The following CCNK variants were observed in gnomAD, a reference collection of about 807,000 sequenced individuals.
The protein encoded by CCNK is cyclin-K.
Under a neutral mutation model 65.0 loss-of-function variants are expected in CCNK, and 9 were observed. That is an observed-to-expected ratio of 0.14 (90% CI 0.08 to 0.24). The LOEUF (loss-of-function observed/expected upper bound fraction) is 0.24. Among genes scored for constraint, CCNK ranks in the 10% least tolerant of loss-of-function variants. The probability of loss-of-function intolerance (pLI) is 1.00; values close to 1 mark genes in which losing one functional copy is unlikely to be tolerated. For missense variants in CCNK, 474 were observed against 720.0 expected, an observed-to-expected ratio of 0.66 and a Z score of 3.91; for synonymous variants, 279 against 270.8, an observed-to-expected ratio of 1.03 and a Z score of -0.30.
At chr14:99,506,732 G>A in intron 9 of CCNK, 5 of 318,264 alleles carry the variant, frequency 1.6e-5, no homozygotes, top group South Asian at 1.5e-4. Flanking sequence ...TCTGTACCAG[G>A]GAGGACTCCA....
chr14:99,493,491 A>G (rs746681546), intron 2 of CCNK, 23 bp from the exon 3 acceptor site: 1 of 1,513,580 alleles, frequency 6.6e-7, no homozygotes, highest in South Asian at 1.2e-5. Flanking sequence ...GTTATTGGTT[A>G]GAGTCCTTAA....
chr14:99,498,042 C>G (rs1205227656), intron 4 of CCNK, among the ~76,000 whole-genome samples: 2 of 152,212 alleles, frequency 1.3e-5, no homozygotes, highest in African/African-American at 4.8e-5. Context: ...TTCAGTCACA[C>G]CCCCGTCACA....
intron 4 of CCNK, among the ~76,000 whole-genome samples, chr14:99,495,909 T>C (rs1159867025): frequency 1.3e-5 from 2 of 152,200 alleles, no homozygotes; most frequent in Non-Finnish European, 2.9e-5. Flanking sequence ...TAATTGCCAT[T>C]AGGACTCTGC....
intron 1 of CCNK, among the ~76,000 whole-genome samples, chr14:99,485,384 T>C (rs1286531379): frequency 2.6e-5 from 4 of 152,140 alleles, no homozygotes; most frequent in African/African-American, 9.7e-5. Flanking sequence ...AATATGGAGG[T>C]ACTCTTGAGA....
At chr14:99,490,844 C>T (rs1053523589) in intron 1 of CCNK, among the ~76,000 whole-genome samples, 5 of 150,864 alleles carry the variant, frequency 3.3e-5, no homozygotes, top group Non-Finnish European at 4.4e-5. Context: ...AGGAGAATGG[C>T]GTAAACCCAG....
chr14:99,492,925 C>T, intron 2 of CCNK, 51 bp downstream of exon 2: 2 of 1,407,306 alleles, frequency 1.4e-6, no homozygotes, highest in Non-Finnish European at 1.9e-6. Flanking sequence ...CCACTCACCA[C>T]CAAGAAATAA....
intron 1 of CCNK, among the ~76,000 whole-genome samples, chr14:99,482,527 A>G (rs1896370696): frequency 6.6e-6 from 1 of 152,242 alleles, no homozygotes; most frequent in Non-Finnish European, 1.5e-5. Flanking sequence ...AATCTTGACT[A>G]TGAATATAAT....
At chr14:99,505,126 G>A (rs1199751579) in intron 9 of CCNK, 1 of 152,348 alleles carries the variant, frequency 6.6e-6, no homozygotes, top group Non-Finnish European at 1.5e-5. Context: ...GAAGCCATTG[G>A]AGATTTAGCA....
rs767434647 is a variant in CCNK at position 99,503,612 on chromosome 14, T to C, written c.1013T>C (p.Val338Ala). Residue 338 changes from valine (V) to alanine (A), a missense_variant and splice_region_variant, in exon 9 of 11, where the codon GTT becomes GCT. Around this residue, in one of 6 missense-constraint regions of CCNK, gnomAD observed 229 missense variants for 275.5 expected, o/e 0.83. Transcript: ENST00000389879. ...SSPRQVKRAV[V>A]VSPKEENKAA... ...ATTGTGTATTTTCTTTTGTAACAGGTTGTTTCTCCCAAAGAAGAGAACAAA... is the reference window on the plus strand; with the variant it reads ...ATTGTGTATTTTCTTTTGTAACAGGCTGTTTCTCCCAAAGAAGAGAACAAA... 1 of 1,559,198 alleles carries C rather than the reference T, an allele frequency of 6.4e-7. No homozygotes were observed. The highest frequency in any genetic ancestry group is 1.2e-5 in the South Asian group (1 of 84,376).
chr14:99,494,666 T>G (rs112225777), intron 3 of CCNK: 1 of 152,274 alleles, frequency 6.6e-6, no homozygotes, highest in East Asian at 1.9e-4. Context: ...CCCAGTGATA[T>G]AGGGACTGAG....
chr14:99,495,160 T>A, intron 3 of CCNK: 1 of 191,206 alleles, frequency 5.2e-6, no homozygotes, highest in South Asian at 9.0e-5. Context: ...GCTCTTTCTT[T>A]TTCCACGGCA....
chr14:99,490,944 A>G (rs897392064), intron 1 of CCNK, among the ~76,000 whole-genome samples: 2 of 151,928 alleles, frequency 1.3e-5, no homozygotes, highest in African/African-American at 2.4e-5. Context: ...AAAAAAAAAA[A>G]AGAGATGTCT....
At chr14:99,493,069 G>A in intron 2 of CCNK, 195 bp downstream of exon 2, 1 of 570,384 alleles carries the variant, frequency 1.8e-6, no homozygotes, top group Non-Finnish European at 2.9e-6. Context: ...CTTAGCCACT[G>A]AGGAGGTGGC....
chr14:99,498,949 C>A, intron 4 of CCNK, among the ~76,000 whole-genome samples: 1 of 152,186 alleles, frequency 6.6e-6, no homozygotes, highest in East Asian at 1.9e-4. Flanking sequence ...CCAATTGGTA[C>A]ACTTGGTAAA....
At chr14:99,497,260 G>A (rs959843627) in intron 4 of CCNK, among the ~76,000 whole-genome samples, 5 of 151,858 alleles carry the variant, frequency 3.3e-5, no homozygotes, top group Non-Finnish European at 7.4e-5. Context: ...CCTTCTCCCC[G>A]CTAACCTCTG....
chr14:99,506,078 G>GT (rs1296305155), intron 9 of CCNK: 4 of 152,508 alleles, frequency 2.6e-5, no homozygotes, highest in Non-Finnish European at 5.9e-5. Context: ...ATGGGCCATG[G>GT]TTTTGGTGGC....
At chr14:99,501,724 A>G (rs1896835466) in intron 6 of CCNK, 1 of 333,340 alleles carries the variant, frequency 3.0e-6, no homozygotes, top group Non-Finnish European at 5.4e-6. Context: ...TTTTGCAAAA[A>G]TATACTTCCT....
chr14:99,494,905 C>T (rs3783319), intron 3 of CCNK: 76,200 of 152,188 alleles, frequency 0.5, 19,659 homozygotes, highest in Non-Finnish European at 0.58. Context: ...GAACAAGCCC[C>T]TTGGGCCTCT....
intron 1 of CCNK, among the ~76,000 whole-genome samples, chr14:99,489,319 T>C (rs1896553674): frequency 1.3e-5 from 2 of 152,216 alleles, no homozygotes; most frequent in Non-Finnish European, 2.9e-5. Context: ...AAAAAATGTG[T>C]TTGAAAATTA....
Sources: gnomAD v4.1 joint callset for allele counts (sites outside exome capture counted in the v4.1 genomes callset) on GRCh38, gnomAD v4.1.1 for gene constraint, gnomAD v4.1.1 regional missense constraint, MANE v1.5 for transcripts, NCBI Gene and HGNC (gene_info 2026-07-23, HGNC 2026-07-21) for gene names.